Variants in LARP1B observed in about 807,000 individuals in gnomAD.
LARP1B encodes the protein La ribonucleoprotein 1B, also known as la-related protein 1B.
In LARP1B, 76 loss-of-function variants were observed where a neutral mutation model predicts 114.2. That is an observed-to-expected ratio of 0.67 (90% CI 0.55 to 0.81). The LOEUF (loss-of-function observed/expected upper bound fraction) is 0.81. LARP1B is among the 30% of genes least tolerant of loss of function. The probability of loss-of-function intolerance (pLI) is 0.00; values close to 1 mark genes in which losing one functional copy is unlikely to be tolerated. For missense variants in LARP1B, 1,014 were observed against 1,075.8 expected, an observed-to-expected ratio of 0.94 and a Z score of 0.80; for synonymous variants, 345 against 348.0, an observed-to-expected ratio of 0.99 and a Z score of 0.10.
intron 3 of LARP1B, 111 bp downstream of exon 3, chr4:128,075,104 AT>A (rs938134184): frequency 1.8e-5 from 13 of 724,198 alleles, no homozygotes; most frequent in Admixed American, 2.7e-5. Flanking sequence ...TGGGGGACAG[AT>A]TTTTTTTATT....
At chr4:128,125,745 A>G (rs1205428622) in intron 11 of LARP1B, among the ~76,000 whole-genome samples, 1 of 152,150 alleles carries the variant, frequency 6.6e-6, no homozygotes, top group East Asian at 1.9e-4. Flanking sequence ...ACTCTAACTC[A>G]AAAAACAAAA....
At chr4:128,078,836 A>T (rs1160478296) in intron 4 of LARP1B, among the ~76,000 whole-genome samples, 2 of 152,080 alleles carry the variant, frequency 1.3e-5, no homozygotes, top group East Asian at 3.9e-4. Flanking sequence ...TTAAACTGTT[A>T]AGTTGTCAGT....
At chr4:128,167,167 G>T (rs995097255) in intron 12 of LARP1B, among the ~76,000 whole-genome samples, 1 of 151,616 alleles carries the variant, frequency 6.6e-6, no homozygotes, top group Non-Finnish European at 1.5e-5. Context: ...TGTGGCAATG[G>T]ACATGTGAGT....
At chr4:128,154,922 C>T (rs1734744822) in intron 11 of LARP1B, among the ~76,000 whole-genome samples, 1 of 151,940 alleles carries the variant, frequency 6.6e-6, no homozygotes, top group Non-Finnish European at 1.5e-5. Flanking sequence ...TACAGGCGCC[C>T]ACCACCACGC....
In LARP1B at chr4:128,211,287, A is replaced by G; in HGVS notation, c.*1234A>G. On this transcript the variant is annotated 3_prime_UTR_variant, in exon 20 of 20. Coordinates refer to ENST00000326639, the MANE Select transcript of LARP1B (RefSeq NM_018078.4). Reference sequence around the variant, plus strand: ...ATTGAGCACTACATAATTTACAGATATTTTGTTGTATTGGCAAAAGCAAGT... The same window carrying G: ...ATTGAGCACTACATAATTTACAGATGTTTTGTTGTATTGGCAAAAGCAAGT... 5 of 964,914 alleles carry G rather than the reference A, an allele frequency of 5.2e-6. No homozygotes were observed. Among genetic ancestry groups the G allele is most frequent in the Non-Finnish European group, 6.2e-6 (5 of 811,246 alleles). The allele number at this position is 964,914 out of a possible 1,614,324, so 59.8% of individuals were successfully genotyped here. A position where few individuals can be genotyped will look rare whatever the true frequency, so the allele number is the denominator to read the frequency against.
At chr4:128,167,921 G>C (rs1741850561) in intron 12 of LARP1B, among the ~76,000 whole-genome samples, 2 of 151,984 alleles carry the variant, frequency 1.3e-5, no homozygotes, top group African/African-American at 4.8e-5. Context: ...ATTTAGCCTA[G>C]TGCCTTTCAG....
At chr4:128,107,425 A>C (rs1478524738) in intron 9 of LARP1B, 112 bp downstream of exon 9, 1 of 1,521,636 alleles carries the variant, frequency 6.6e-7, no homozygotes, top group Non-Finnish European at 8.8e-7. Flanking sequence ...AATTAAAGCT[A>C]ACTGAAAGAC....
intron 11 of LARP1B, among the ~76,000 whole-genome samples, chr4:128,153,915 C>T (rs1734133509): frequency 6.6e-6 from 1 of 152,060 alleles, no homozygotes. Flanking sequence ...CTTAGGAATC[C>T]CCATCCACTT....
At chr4:128,142,569 C>T (rs888965549) in intron 11 of LARP1B, among the ~76,000 whole-genome samples, 4 of 150,148 alleles carry the variant, frequency 2.7e-5, no homozygotes, top group Non-Finnish European at 1.5e-5. Flanking sequence ...AGTTCAATGG[C>T]GCGATCTCTG....
chr4:128,131,813 C>T (rs976186959), intron 11 of LARP1B, among the ~76,000 whole-genome samples: 1 of 152,160 alleles, frequency 6.6e-6, no homozygotes, highest in Admixed American at 6.5e-5. Flanking sequence ...TGAAAAGTTG[C>T]TTAACATCAT....
intron 11 of LARP1B, among the ~76,000 whole-genome samples, chr4:128,150,818 C>T (rs1053085373): frequency 1.3e-5 from 2 of 152,194 alleles, no homozygotes; most frequent in Admixed American, 6.5e-5. Flanking sequence ...GACTGTAATT[C>T]ACATTGACAT....
At chr4:128,196,293 G>GGA (rs1561548218) in intron 15 of LARP1B, among the ~76,000 whole-genome samples, 1 of 138,184 alleles carries the variant, frequency 7.2e-6, no homozygotes, top group Non-Finnish European at 1.6e-5. Flanking sequence ...AAAGAAAAGG[G>GGA]AAAAAAAAAA....
At chr4:128,066,779 GCTTT>G (rs1368673343) in intron 1 of LARP1B, among the ~76,000 whole-genome samples, 6 of 145,964 alleles carry the variant, frequency 4.1e-5, no homozygotes, top group Non-Finnish European at 7.5e-5. Flanking sequence ...GCCTGGCCGG[GCTTT>G]CTATTTTCTT....
chr4:128,070,894 T>C (rs1459698733), intron 1 of LARP1B, among the ~76,000 whole-genome samples: 2 of 152,104 alleles, frequency 1.3e-5, no homozygotes, highest in African/African-American at 2.4e-5. Context: ...TTCATTTTTG[T>C]ATCTAGAAGA....
chr4:128,210,753 G>A lies in LARP1B; in HGVS notation c.*700G>A, dbSNP rs1011702285. 5.2e-5 allele frequency: 51 copies of A among 985,180 alleles called. No homozygotes were observed. Among genetic ancestry groups the A allele is most frequent in the Non-Finnish European group, 6.1e-5 (51 of 829,826 alleles). 61.0% of individuals were successfully genotyped at this position (985,180 alleles called of 1,614,324 possible). On this transcript the variant is annotated 3_prime_UTR_variant, in exon 20 of 20. Transcript: ENST00000326639. ...TGATTTCCACAGTTGTTGTATTGGTGTGGAGTTTTCTGAATTGGCTATAAG... is the reference window on the plus strand; with the variant it reads ...TGATTTCCACAGTTGTTGTATTGGTATGGAGTTTTCTGAATTGGCTATAAG...
intron 3 of LARP1B, among the ~76,000 whole-genome samples, chr4:128,075,588 C>A (rs1226243818): frequency 1.3e-5 from 2 of 148,478 alleles, no homozygotes; most frequent in African/African-American, 5.0e-5. Context: ...CACTCCATTA[C>A]CCAGGCTGGA....
chr4:128,176,158 T>A lies in LARP1B; in HGVS notation c.1649-714T>A, dbSNP rs539108589. Among the ~76,000 whole-genome samples the A allele has an allele frequency of 1.8e-4, 24 of 131,330 alleles. 1 individual carries two copies. The highest frequency in any genetic ancestry group is 4.5e-4 in the African/African-American group (16 of 35,676). The allele number at this position is 131,330 out of a possible 152,430, so 86.2% of individuals were successfully genotyped here. On this transcript the variant is annotated intron_variant, in intron 12 of 19. Transcript: ENST00000326639. ...TGTATATATATTTATATTATATATATAAATATATATATTATATATAAATAT... is the reference window on the plus strand; with the variant it reads ...TGTATATATATTTATATTATATATAAAAATATATATATTATATATAAATAT...
At chr4:128,189,640 T>G (rs897950930) in intron 15 of LARP1B, among the ~76,000 whole-genome samples, 9 of 152,164 alleles carry the variant, frequency 5.9e-5, no homozygotes, top group Non-Finnish European at 8.8e-5. Context: ...TAAGTGGTTT[T>G]TCTCTGGGAG....
chr4:128,212,733 C>T (rs1759155315), downstream of LARP1B, among the ~76,000 whole-genome samples: 2 of 152,068 alleles, frequency 1.3e-5, no homozygotes, highest in Non-Finnish European at 2.9e-5. Flanking sequence ...AAAAGAGTTA[C>T]TGTCAAGAAC....
Sources: gnomAD v4.1 joint callset for allele counts (sites outside exome capture counted in the v4.1 genomes callset) on GRCh38, gnomAD v4.1.1 for gene constraint, MANE v1.5 for transcripts, NCBI Gene and HGNC (gene_info 2026-07-23, HGNC 2026-07-21) for gene names.